The following MTR variants were observed in gnomAD, a reference collection of about 807,000 sequenced individuals.
The protein encoded by MTR is methionine synthase.
Under a neutral mutation model 154.8 loss-of-function variants are expected in MTR, and 84 were observed. That is an observed-to-expected ratio of 0.54 (90% CI 0.45 to 0.65). MTR has a LOEUF of 0.65. Among genes scored for constraint, MTR ranks in the 30% least tolerant of loss-of-function variants. The probability of loss-of-function intolerance (pLI) is 0.00; values close to 1 mark genes in which losing one functional copy is unlikely to be tolerated. For synonymous variants in MTR, 554 were observed against 553.9 expected (o/e 1.00, Z 0.00); for missense variants, 1,275 against 1,570.2 (o/e 0.81, Z 3.18).
chr1:236,872,877 G>A (rs986741772), intron 22 of MTR, among the ~76,000 whole-genome samples: 3 of 152,186 alleles, frequency 2.0e-5, no homozygotes, highest in African/African-American at 4.8e-5. Context: ...AGTGGGGCAT[G>A]CCTGTGGTCC....
At chr1:236,819,580 G>A (rs1661802669) in intron 8 of MTR, 2 of 411,012 alleles carry the variant, frequency 4.9e-6, no homozygotes, top group South Asian at 4.2e-5. Flanking sequence ...TACTCACAGA[G>A]GGGTCCATCC....
chr1:236,860,946 G>A (rs1358949877), intron 19 of MTR, among the ~76,000 whole-genome samples, 179 bp from the exon 20 acceptor site: 4 of 152,154 alleles, frequency 2.6e-5, no homozygotes, highest in Admixed American at 2.0e-4. Context: ...TGAGGAAACT[G>A]AGGCTTATTG....
At chr1:236,843,893 A>T (rs1663409064) in intron 15 of MTR, among the ~76,000 whole-genome samples, 1 of 152,160 alleles carries the variant, frequency 6.6e-6, no homozygotes, top group Non-Finnish European at 1.5e-5. Context: ...GGGTATGTCG[A>T]GTGTGCAGTT....
chr1:236,870,360 G>A (rs752421134), intron 22 of MTR, among the ~76,000 whole-genome samples: 4 of 152,216 alleles, frequency 2.6e-5, no homozygotes, highest in Admixed American at 6.5e-5. Context: ...CCTTCTGGGA[G>A]TGGTCTTTAA....
intron 13 of MTR, among the ~76,000 whole-genome samples, chr1:236,835,287 A>G (rs1662842234): frequency 6.6e-6 from 1 of 152,096 alleles, no homozygotes; most frequent in Non-Finnish European, 1.5e-5. Flanking sequence ...CTTGACTGCC[A>G]TGCTGAGGGA....
intron 15 of MTR, among the ~76,000 whole-genome samples, chr1:236,849,347 A>C (rs969013136): frequency 2.6e-5 from 4 of 152,232 alleles, no homozygotes; most frequent in African/African-American, 9.6e-5. Context: ...ACAACGAAAA[A>C]TACTAAAGAT....
At chr1:236,897,308 A>ATGCGCGCGCGCGCGCGCGCGCGCGCGCG (rs57608445) in intron 32 of MTR, among the ~76,000 whole-genome samples, 190 bp downstream of exon 32, 8 of 131,456 alleles carry the variant, frequency 6.1e-5, no homozygotes, top group African/African-American at 8.9e-5. Flanking sequence ...AGCCACACAC[A>ATGCGCGCGCGCGCGCGCGCGCGCGCGCG]CGCACACACA....
Position 236,825,383 on chromosome 1 carries a change from T to C in MTR, c.911T>C (p.Met304Thr), listed in dbSNP as rs1572218573. Reference sequence around the variant, plus strand: ...GACTATGATGAAACGCCTTCTATGATGGCCAAGCACCTAAAGGTCAGGGGT... The same window carrying C: ...GACTATGATGAAACGCCTTCTATGACGGCCAAGCACCTAAAGGTCAGGGGT... ...FGDYDETPSM[M>T]AKHLKDFAMD... The change falls in exon 10 of 33, where the codon ATG becomes ACG. Residue 304 changes from methionine to threonine, a missense_variant. Transcript: ENST00000366577. 1 of 1,613,696 alleles carries C rather than the reference T, an allele frequency of 6.2e-7. No individual in the cohort carries two copies. The highest frequency in any genetic ancestry group is 8.5e-7 in the Non-Finnish European group (1 of 1,179,590).
intron 22 of MTR, among the ~76,000 whole-genome samples, chr1:236,865,901 T>C (rs1664797399): frequency 6.6e-6 from 1 of 152,200 alleles, no homozygotes; most frequent in Non-Finnish European, 1.5e-5. Context: ...ATTTCTCCTT[T>C]TATAGATGAG....
At chr1:236,880,631 G>A in intron 24 of MTR, 124 bp from the exon 25 acceptor site, 1 of 812,876 alleles carries the variant, frequency 1.2e-6, no homozygotes, top group Non-Finnish European at 2.1e-6. Context: ...TTGTAGGTAA[G>A]CACCTTGAAA....
At chr1:236,798,969 A>C (rs772098777) in intron 1 of MTR, among the ~76,000 whole-genome samples, 10 of 152,210 alleles carry the variant, frequency 6.6e-5, no homozygotes, top group Non-Finnish European at 8.8e-5. Context: ...ATGACCTCCT[A>C]CTGGAAAAAC....
chr1:236,855,958 A>G (rs1664178614), intron 18 of MTR, among the ~76,000 whole-genome samples: 1 of 152,194 alleles, frequency 6.6e-6, no homozygotes, highest in Non-Finnish European at 1.5e-5. Flanking sequence ...ACTGCTTTTA[A>G]CTGTACTGTT....
At chr1:236,825,453 T>C in intron 10 of MTR, 54 bp downstream of exon 10, 4 of 1,483,452 alleles carry the variant, frequency 2.7e-6, no homozygotes, top group Non-Finnish European at 3.8e-6. Flanking sequence ...GATTGAATTT[T>C]AGATTTAGAG....
Position 236,850,136 on chromosome 1 carries a change from A to C in MTR, c.1516-208A>C, listed in dbSNP as rs201074527. Among the ~76,000 whole-genome samples the C allele has an allele frequency of 2.0e-5, 3 of 152,276 alleles. No individual in the cohort carries two copies. The East Asian group carries it at 5.8e-4, about 29-fold the overall frequency. Reference sequence around the variant, plus strand: ...GTCTCTCCTCTGAGATAATTTGATAAGTGATCGGAAGCTGCTTGGCATTTA... The same window carrying C: ...GTCTCTCCTCTGAGATAATTTGATACGTGATCGGAAGCTGCTTGGCATTTA... On this transcript the variant is annotated intron_variant, in intron 15 of 32. Transcript: ENST00000366577.
intron 18 of MTR, among the ~76,000 whole-genome samples, chr1:236,853,320 A>G (rs1189247342): frequency 1.3e-5 from 2 of 152,184 alleles, no homozygotes; most frequent in Non-Finnish European, 2.9e-5. Flanking sequence ...CTTTAAATTT[A>G]TTGTAAAATG....
chr1:236,852,301 T>C (rs1222223590), intron 16 of MTR, among the ~76,000 whole-genome samples: 2 of 151,888 alleles, frequency 1.3e-5, no homozygotes, highest in Non-Finnish European at 2.9e-5. Context: ...CTTAGGGAGA[T>C]TGGAGTCTAG....
intron 9 of MTR, among the ~76,000 whole-genome samples, chr1:236,824,606 C>T (rs771612578): frequency 7.2e-5 from 11 of 152,166 alleles, no homozygotes; most frequent in Non-Finnish European, 1.6e-4. Flanking sequence ...TTTTTCTTCT[C>T]TGAAAGCTTG....
At chr1:236,861,513 G>A (rs1664543252) in intron 20 of MTR, among the ~76,000 whole-genome samples, 1 of 152,016 alleles carries the variant, frequency 6.6e-6, no homozygotes, top group African/African-American at 2.4e-5. Flanking sequence ...TAATCCTTAT[G>A]TTCTAATTTT....
chr1:236,848,227 T>C (rs1663700029), intron 15 of MTR, among the ~76,000 whole-genome samples: 1 of 152,164 alleles, frequency 6.6e-6, no homozygotes, highest in Admixed American at 6.5e-5. Flanking sequence ...CTGTCTTTGG[T>C]ATACAGCTGG....
Sources: allele counts gnomAD v4.1 joint callset (sites outside exome capture counted in the v4.1 genomes callset), GRCh38; gene constraint gnomAD v4.1.1; transcripts MANE v1.5; gene names NCBI Gene and HGNC (gene_info 2026-07-23, HGNC 2026-07-21).